The following WWOX variants were observed in gnomAD, a reference collection of about 807,000 sequenced individuals.
WWOX encodes the protein WW domain-containing oxidoreductase.
Under a neutral mutation model 46.2 loss-of-function variants are expected in WWOX, and 69 were observed. That is an observed-to-expected ratio of 1.49 (90% CI 1.23 to 1.82). The LOEUF (loss-of-function observed/expected upper bound fraction) is 1.82, where lower values mean the gene tolerates loss of function less well. Ranked by LOEUF, WWOX falls within the 40% of genes most tolerant of loss-of-function variation. WWOX has a pLI of 0.00. For missense variants in WWOX, 919 were observed against 542.6 expected (o/e 1.69, Z -6.89); for synonymous variants, 359 against 202.6 (o/e 1.77, Z -6.56).
chr16:79,178,359 C>G (rs182667616), intron 8 of WWOX, among the ~76,000 whole-genome samples: 2 of 152,272 alleles, frequency 1.3e-5, no homozygotes, highest in East Asian at 1.9e-4. Context: ...CTGTGTCACC[C>G]AGGCTGGAGT....
intron 4 of WWOX, among the ~76,000 whole-genome samples, chr16:78,153,240 A>G (rs1179612633): frequency 1.3e-5 from 2 of 152,194 alleles, no homozygotes; most frequent in Non-Finnish European, 2.9e-5. Context: ...TTGAGCATAT[A>G]GGCGTGGTGT....
At chr16:79,016,346 G>T (rs2047412289) in intron 8 of WWOX, 1 of 152,242 alleles carries the variant, frequency 6.6e-6, no homozygotes, top group Non-Finnish European at 1.5e-5. Context: ...TCCTCCTGCA[G>T]TCTTCTTCCC....
At chr16:78,630,593 C>G (rs116640660) in intron 8 of WWOX, among the ~76,000 whole-genome samples, 2,337 of 152,292 alleles carry the variant, frequency 0.015, 55 homozygotes, top group African/African-American at 0.053. Context: ...TGTGACCCCA[C>G]TGGAAGAGGA....
intron 8 of WWOX, among the ~76,000 whole-genome samples, chr16:78,639,680 C>G (rs1054655253): frequency 1.3e-5 from 2 of 152,106 alleles, no homozygotes; most frequent in African/African-American, 2.4e-5. Flanking sequence ...TTTCCTGCCT[C>G]AGCCTCTGGA....
chr16:78,854,412 T>G (rs1269252764), intron 8 of WWOX, among the ~76,000 whole-genome samples: 1 of 152,210 alleles, frequency 6.6e-6, no homozygotes, highest in Non-Finnish European at 1.5e-5. Context: ...AATTTGGCAG[T>G]GAGTTCAGGA....
rs2083249973 is a variant in WWOX, at chr16:78,432,575, T to C, written c.879T>C (p.Tyr293=). 1.2e-6 allele frequency: 2 copies of C among 1,614,184 alleles called. No individual in the cohort carries two copies. Among genetic ancestry groups the C allele is most frequent in the Non-Finnish European group, 1.7e-6 (2 of 1,180,028 alleles). ...TKNDYWAMLA[Y]NRSKLCNILF... ...ACGACTATTGGGCGATGCTGGCTTATAACAGGTCCAAGCTCTGCAACATCC... is the reference window on the plus strand; with the variant it reads ...ACGACTATTGGGCGATGCTGGCTTACAACAGGTCCAAGCTCTGCAACATCC... The change falls in exon 8 of 9, where the codon TAT becomes TAC. Residue 293 remains tyrosine, a synonymous_variant. Coordinates refer to ENST00000566780, the MANE Select transcript of WWOX (RefSeq NM_016373.4).
intron 8 of WWOX, among the ~76,000 whole-genome samples, chr16:78,696,678 C>T (rs1304854894): frequency 6.6e-6 from 1 of 151,228 alleles, no homozygotes; most frequent in African/African-American, 2.5e-5. Context: ...TAAATTTCCA[C>T]CTGTTTTGGG....
At chr16:78,120,604 G>C (rs550395639) in intron 4 of WWOX, among the ~76,000 whole-genome samples, 162 of 152,092 alleles carry the variant, frequency 1.1e-3, no homozygotes, top group Non-Finnish European at 1.5e-4. Flanking sequence ...ATTTCATGCA[G>C]GGAATCCCAA....
intron 8 of WWOX, among the ~76,000 whole-genome samples, chr16:78,470,474 A>G (rs767193667): frequency 7.9e-5 from 12 of 152,178 alleles, no homozygotes; most frequent in Non-Finnish European, 1.6e-4. Flanking sequence ...TTTCATCCTC[A>G]TGGGGAAGCA....
rs190774481 is a variant in WWOX, at chr16:78,433,313, C to T, written c.1056+561C>T. On this transcript the variant is annotated intron_variant, in intron 8 of 8. Transcript: ENST00000566780. Reference sequence around the variant, plus strand: ...AGACAATTTTGGATGAATCATGGTACTGTGGTTACATTTGGAAGTGTTTAC... The same window carrying T: ...AGACAATTTTGGATGAATCATGGTATTGTGGTTACATTTGGAAGTGTTTAC... Among the ~76,000 whole-genome samples, 8 of 152,222 alleles carry T rather than the reference C, an allele frequency of 5.3e-5. No homozygotes were observed. The East Asian group carries it at 1.5e-3, about 29-fold the overall frequency.
rs770628801 is a variant in WWOX, at chr16:79,211,659, G to A, written c.1108G>A (p.Gly370Ser). The A allele has an allele frequency of 1.9e-5, 31 of 1,614,080 alleles. No individual in the cohort carries two copies. The East Asian group carries it at 5.8e-4, about 30-fold the overall frequency. Residue 370 changes from glycine to serine, a missense_variant, in exon 9 of 9, where the codon GGT (glycine) becomes AGT (serine). By Grantham distance (56) the Gly-to-Ser change is moderately conservative (BLOSUM62 0). Transcript: ENST00000566780. Reference sequence around the variant, plus strand: ...CTGTGCTGCTGTCCCAGAACTGGAGGGTCTGGGAGGGATGTACTTCAACAA... The same window carrying A: ...CTGTGCTGCTGTCCCAGAACTGGAGAGTCTGGGAGGGATGTACTTCAACAA... Reference protein sequence around the residue: ...VYCAAVPELEGLGGMYFNNCC... With the variant: ...VYCAAVPELESLGGMYFNNCC...
At chr16:78,853,898 A>C (rs1328907509) in intron 8 of WWOX, among the ~76,000 whole-genome samples, 2 of 152,192 alleles carry the variant, frequency 1.3e-5, no homozygotes, top group Non-Finnish European at 2.9e-5. Context: ...AGATTCAGAC[A>C]TTGATGTAAT....
intron 8 of WWOX, among the ~76,000 whole-genome samples, chr16:79,134,467 AG>A (rs2049944013): frequency 6.6e-6 from 1 of 152,186 alleles, no homozygotes; most frequent in African/African-American, 2.4e-5. Flanking sequence ...AGCTATGTGC[AG>A]AATGAGGTCG....
Position 78,268,357 on chromosome 16 carries a change from G to T in WWOX, c.516+104068G>T, listed in dbSNP as rs548697802. ...AATGTGTTTTGCTTTTATCATCCTG[G>T]GTTGCCATCTTGGCCAAGTGTAGAT... On this transcript the variant is annotated intron_variant, in intron 5 of 8. Transcript: ENST00000566780. Among the ~76,000 whole-genome samples, 9 of 152,194 alleles carry T rather than the reference G, an allele frequency of 5.9e-5. No individual in the cohort carries two copies. In the East Asian group the frequency reaches 1.7e-3, roughly 29 times the overall value.
chr16:78,923,640 A>T (rs1321562363), intron 8 of WWOX, among the ~76,000 whole-genome samples: 1 of 152,078 alleles, frequency 6.6e-6, no homozygotes, highest in Non-Finnish European at 1.5e-5. Context: ...CTATGAATCA[A>T]ATAATATATG....
At chr16:78,606,317 G>A (rs986864247) in intron 8 of WWOX, among the ~76,000 whole-genome samples, 2 of 152,068 alleles carry the variant, frequency 1.3e-5, no homozygotes, top group Non-Finnish European at 2.9e-5. Context: ...TTTTAAAATT[G>A]TTTCTCTTTT....
chr16:78,214,749 T>A (rs2036663296), intron 5 of WWOX, among the ~76,000 whole-genome samples: 1 of 152,162 alleles, frequency 6.6e-6, no homozygotes, highest in East Asian at 1.9e-4. Context: ...ATACTTTGAT[T>A]TTATGTCTTT....
At chr16:78,238,650 G>A (rs575898756) in intron 5 of WWOX, among the ~76,000 whole-genome samples, 27 of 150,112 alleles carry the variant, frequency 1.8e-4, no homozygotes, top group African/African-American at 4.9e-4. Context: ...ATGGAGTTTC[G>A]CTCTTGTTGC....
chr16:78,773,056 G>GAAAC (rs897328092), intron 8 of WWOX, among the ~76,000 whole-genome samples: 4 of 152,022 alleles, frequency 2.6e-5, no homozygotes, highest in Non-Finnish European at 4.4e-5. Context: ...ACAAACAAAA[G>GAAAC]AAACAAACAA....
Sources: gnomAD v4.1 joint callset for allele counts (sites outside exome capture counted in the v4.1 genomes callset) on GRCh38, gnomAD v4.1.1 for gene constraint, MANE v1.5 for transcripts, NCBI Gene and HGNC (gene_info 2026-07-23, HGNC 2026-07-21) for gene names.